PTAR1: variants seen among roughly 807,000 people sequenced by gnomAD.
PTAR1 encodes the protein protein prenyltransferase alpha subunit repeat-containing protein 1.
PTAR1 carries 17 observed loss-of-function variants against 45.5 expected under a neutral mutation model. That is an observed-to-expected ratio of 0.37 (90% CI 0.26 to 0.56). The LOEUF (loss-of-function observed/expected upper bound fraction) is 0.56, where lower values mean the gene tolerates loss of function less well. Ranked by LOEUF, PTAR1 falls within the 20% of genes least tolerant of loss-of-function variation. The pLI is 0.77. For synonymous variants in PTAR1, 169 were observed against 171.3 expected (o/e 0.99, Z 0.11); for missense variants, 391 against 476.3 (o/e 0.82, Z 1.67).
rs192595360 is a variant in PTAR1, at chr9:69,716,910, A to C, written c.*1432T>G. ...GAAAGGTATACAAAAATGACACACA[A>C]AAGTGACAAAAAATACGTAATGGAT... On this transcript the variant is annotated 3_prime_UTR_variant, in exon 8 of 8. Coordinates refer to ENST00000340434, the MANE Select transcript of PTAR1 (RefSeq NM_001099666.2). The C allele has an allele frequency of 6.6e-6, 1 of 152,300 alleles. No individual in the cohort carries two copies. Among genetic ancestry groups the C allele is most frequent in the African/African-American group, 2.4e-5 (1 of 41,570 alleles). The allele number at this position is 152,300 out of a possible 1,614,324, so 9.4% of individuals were successfully genotyped here.
intron 4 of PTAR1, among the ~76,000 whole-genome samples, chr9:69,732,924 C>T (rs1825606475): frequency 6.6e-6 from 1 of 152,092 alleles, no homozygotes; most frequent in Non-Finnish European, 1.5e-5. Context: ...CAAATTCTCC[C>T]TTTGTCTGTT....
chr9:69,736,768 A>C (rs904783823), intron 3 of PTAR1, among the ~76,000 whole-genome samples: 73 of 152,172 alleles, frequency 4.8e-4, no homozygotes, highest in African/African-American at 1.8e-3. Flanking sequence ...CTCTTTTGCA[A>C]CCACTGCGGT....
At chr9:69,748,302 G>A (rs1241603452) in intron 2 of PTAR1, among the ~76,000 whole-genome samples, 3 of 151,962 alleles carry the variant, frequency 2.0e-5, no homozygotes, top group African/African-American at 7.3e-5. Flanking sequence ...CTCCAATGCT[G>A]TGGTCTTCCC....
In PTAR1 at chr9:69,723,421, T is replaced by C. The variant is rs1825119614; in HGVS notation, c.852A>G (p.Pro284=). The change falls in exon 6 of 8, where the codon CCA becomes CCG. Residue 284 remains proline, a synonymous_variant. Coordinates refer to ENST00000340434, the MANE Select transcript of PTAR1 (RefSeq NM_001099666.2). ...CTAGAAGATGGGGAAGATTAATCCTTGGTTCTTCTGTTGAAACTGCTGCTT... is the reference window on the plus strand; with the variant it reads ...CTAGAAGATGGGGAAGATTAATCCTCGGTTCTTCTGTTGAAACTGCTGCTT... The part of the protein sequence containing the change: ...DEEAAVSTEE[P]RINLPHLLEE... 1 of 1,613,788 alleles carries C rather than the reference T, an allele frequency of 6.2e-7. No individual in the cohort carries two copies. The highest frequency in any genetic ancestry group is 2.2e-5 in the East Asian group (1 of 44,884).
At chr9:69,719,869 T>TA in intron 6 of PTAR1, among the ~76,000 whole-genome samples, 1 of 152,292 alleles carries the variant, frequency 6.6e-6, no homozygotes, top group East Asian at 1.9e-4. Context: ...ATGTTACTAC[T>TA]ATAACTATTT....
rs1005943235 is a variant in PTAR1, at chr9:69,715,537, G to C, written c.*2805C>G. On this transcript the variant is annotated 3_prime_UTR_variant, in exon 8 of 8. Coordinates refer to ENST00000340434, the MANE Select transcript of PTAR1 (RefSeq NM_001099666.2). Reference sequence around the variant, plus strand: ...TTACAGAGCTTAATGCTTTTTGCTTGTCAGTAGTATTCTTAATCCACAGTA... The same window carrying C: ...TTACAGAGCTTAATGCTTTTTGCTTCTCAGTAGTATTCTTAATCCACAGTA... 1 of 152,112 alleles carries C rather than the reference G, an allele frequency of 6.6e-6. No individual in the cohort carries two copies. The highest frequency in any genetic ancestry group is 2.4e-5 in the African/African-American group (1 of 41,446). 9.4% of individuals were successfully genotyped at this position (152,112 alleles called of 1,614,324 possible). A position where few individuals can be genotyped will look rare whatever the true frequency, so the allele number is the denominator to read the frequency against.
chr9:69,756,008 A>G (rs1219358723), intron 1 of PTAR1, among the ~76,000 whole-genome samples: 7 of 152,204 alleles, frequency 4.6e-5, no homozygotes, highest in Admixed American at 2.0e-4. Flanking sequence ...AACGACAAGC[A>G]AAGACTCAAA....
intron 3 of PTAR1, 134 bp from the exon 4 acceptor site, chr9:69,734,388 A>G (rs1825687414): frequency 8.4e-6 from 4 of 476,420 alleles, no homozygotes; most frequent in African/African-American, 4.0e-5. Flanking sequence ...AAAAGAAAGA[A>G]AAAAAGCCCA....
intron 1 of PTAR1, among the ~76,000 whole-genome samples, chr9:69,756,168 T>C (rs1048626626): frequency 3.9e-5 from 6 of 152,196 alleles, no homozygotes; most frequent in African/African-American, 1.4e-4. Flanking sequence ...GATCTAAAAT[T>C]GCCTTTCATC....
At chr9:69,734,736 A>C (rs1825705263) in intron 3 of PTAR1, among the ~76,000 whole-genome samples, 1 of 152,166 alleles carries the variant, frequency 6.6e-6, no homozygotes, top group South Asian at 2.1e-4. Context: ...GGGAAAAAAA[A>C]ATCATTCATG....
intron 1 of PTAR1, among the ~76,000 whole-genome samples, chr9:69,754,180 C>T (rs772483892): frequency 2.0e-5 from 3 of 152,140 alleles, no homozygotes; most frequent in Non-Finnish European, 4.4e-5. Context: ...TAGCCAATTT[C>T]GAATAGGATT....
intron 1 of PTAR1, 90 bp from the exon 2 acceptor site, chr9:69,751,040 C>T: frequency 4.6e-6 from 4 of 876,276 alleles, no homozygotes; most frequent in Non-Finnish European, 6.8e-6. Flanking sequence ...AAAAACCCCA[C>T]ATATTTCCCC....
In PTAR1 at chr9:69,723,477, C is replaced by T; in HGVS notation, c.796G>A (p.Glu266Lys). ...TCTTTTGGAGGAACTAGGGCTGGCT[C>T]ACTTCTCAAAGGATTTTGCTCCATC... is the stretch of plus-strand genomic sequence containing the variant. Reference protein sequence around the residue: ...SVMEQNPLRSEPALVPPKDEE... With the variant: ...SVMEQNPLRSKPALVPPKDEE... Residue 266 changes from glutamate to lysine, a missense_variant, in exon 6 of 8, where the codon GAG (glutamate) becomes AAG (lysine). Glu to Lys is a moderately conservative substitution (Grantham distance 56). Around this residue, in one of 5 missense-constraint regions of PTAR1, gnomAD observed 181 missense variants for 227.7 expected, o/e 0.80. Transcript: ENST00000340434. 3 of 1,613,876 alleles carry T rather than the reference C, an allele frequency of 1.9e-6. No individual in the cohort carries two copies. The highest frequency in any genetic ancestry group is 2.5e-6 in the Non-Finnish European group (3 of 1,179,846).
intron 1 of PTAR1, 67 bp downstream of exon 1, chr9:69,759,786 T>TAGACGCTTG (rs1554719748): frequency 1.4e-6 from 2 of 1,445,230 alleles, no homozygotes; most frequent in Non-Finnish European, 1.8e-6. Flanking sequence ...CGAGGTCGGG[T>TAGACGCTTG]GGACGCTTGG....
At chr9:69,732,407 A>C in intron 4 of PTAR1, 55 bp from the exon 5 acceptor site, 1 of 1,257,784 alleles carries the variant, frequency 8.0e-7, no homozygotes, top group South Asian at 1.2e-5. Flanking sequence ...ACCAGAGAGA[A>C]AAATAACCAG....
At chr9:69,737,345 T>C (rs1825837657) in intron 3 of PTAR1, among the ~76,000 whole-genome samples, 1 of 152,156 alleles carries the variant, frequency 6.6e-6, no homozygotes, top group Non-Finnish European at 1.5e-5. Flanking sequence ...CCTCCCAAAG[T>C]GCTGGGATTA....
At position 69,714,206 on chromosome 9, in the gene PTAR1, A is replaced by G. The variant is rs1461948709; in HGVS notation, c.*4136T>C. The G allele has an allele frequency of 6.6e-6, 1 of 152,134 alleles. No homozygotes were observed. Among genetic ancestry groups the G allele is most frequent in the Non-Finnish European group, 1.5e-5 (1 of 68,020 alleles). The allele number at this position is 152,134 out of a possible 1,614,324, so 9.4% of individuals were successfully genotyped here. On this transcript the variant is annotated 3_prime_UTR_variant, in exon 8 of 8. Coordinates refer to ENST00000340434, the MANE Select transcript of PTAR1 (RefSeq NM_001099666.2). ...AGGGTTTGCACAGTTCTATTTGAGA[A>G]ATTTATTCAAGACAAAAGGTTCAGT...
chr9:69,757,925 T>C (rs1018548754), intron 1 of PTAR1: 2 of 152,226 alleles, frequency 1.3e-5, no homozygotes, highest in Non-Finnish European at 2.9e-5. Context: ...CAAATATAGC[T>C]GATGACTAGT....
intron 5 of PTAR1, among the ~76,000 whole-genome samples, chr9:69,728,631 A>C (rs1478802445): frequency 6.6e-6 from 1 of 152,150 alleles, no homozygotes; most frequent in African/African-American, 2.4e-5. Flanking sequence ...TTTTTGGAGA[A>C]ATGACTATAT....
Sources: allele counts gnomAD v4.1 joint callset (sites outside exome capture counted in the v4.1 genomes callset), GRCh38; gene constraint gnomAD v4.1.1; regional missense constraint gnomAD v4.1.1; transcripts MANE v1.5; gene names NCBI Gene and HGNC (gene_info 2026-07-23, HGNC 2026-07-21).